Variants in PDIA3 observed in about 807,000 individuals in gnomAD.
PDIA3 encodes protein disulfide-isomerase A3.
Under a neutral mutation model 56.9 loss-of-function variants are expected in PDIA3, and 16 were observed. That is an observed-to-expected ratio of 0.28 (90% CI 0.19 to 0.43). The LOEUF is 0.43. Among genes scored for constraint, PDIA3 ranks in the 20% least tolerant of loss-of-function variants. PDIA3 has a pLI of 1.00. For missense variants in PDIA3, 485 were observed against 621.3 expected, an observed-to-expected ratio of 0.78 and a Z score of 2.33; for synonymous variants, 192 against 216.5, an observed-to-expected ratio of 0.89 and a Z score of 0.99.
Position 43,761,241 on chromosome 15 carries a change from CAA to C in PDIA3, c.365-165_365-164del, listed in dbSNP as rs34237990. Among the ~76,000 whole-genome samples the C allele has an allele frequency of 1.6e-3, 155 of 95,482 alleles. 1 individual carries two copies. Among genetic ancestry groups the C allele is most frequent in the East Asian group, 2.3e-3 (7 of 3,042 alleles). The allele number at this position is 95,482 out of a possible 152,430, so 62.6% of individuals were successfully genotyped here. On this transcript the variant is annotated intron_variant, in intron 3 of 12. Coordinates refer to ENST00000300289, the MANE Select transcript of PDIA3 (RefSeq NM_005313.5). ...TGGGCGACAGAGCGAGACTCTGTCT[CAA>C]AAAAAAAAAAAAAAAAACCTGAAAT...
chr15:43,765,489 G>T lies in PDIA3; in HGVS notation c.642G>T (p.Lys214Asn), dbSNP rs372309355. The T allele has an allele frequency of 1.9e-6, 3 of 1,611,352 alleles. No homozygotes were observed. Among genetic ancestry groups the T allele is most frequent in the Non-Finnish European group, 2.5e-6 (3 of 1,178,390 alleles). Residue 214 changes from lysine (K) to asparagine (N), a missense_variant, in exon 6 of 13, where the codon AAG becomes AAT. Physicochemically the swap from Lys to Asn is moderately conservative, Grantham distance 94. Coordinates refer to ENST00000300289, the MANE Select transcript of PDIA3 (RefSeq NM_005313.5). ...ILFRPSHLTN[K>N]FEDKTVAYTE... ...TTCGTCCTTCACATCTCACTAACAA[G>T]TTTGAGGACAAGACTGTGGCATATA...
intron 6 of PDIA3, 119 bp downstream of exon 6, chr15:43,765,685 T>C: frequency 1.2e-6 from 1 of 861,988 alleles, no homozygotes; most frequent in Non-Finnish European, 1.9e-6. Context: ...ATTGTAATAG[T>C]AATAGTTTGA....
At chr15:43,750,207 G>GGTTTCAC (rs2086735067) in intron 1 of PDIA3, among the ~76,000 whole-genome samples, 1 of 141,518 alleles carries the variant, frequency 7.1e-6, no homozygotes, top group South Asian at 2.3e-4. Context: ...GTAGAGACCA[G>GGTTTCAC]GTTTCACCAT....
Position 43,756,751 on chromosome 15 carries a change from G to A in PDIA3, c.349G>A (p.Gly117Arg). Residue 117 changes from glycine (G) to arginine (R), a missense_variant, in exon 3 of 13, where the codon GGA (glycine) becomes AGA (arginine). By Grantham distance (125) the Gly-to-Arg change is moderately radical. Coordinates refer to ENST00000300289, the MANE Select transcript of PDIA3 (RefSeq NM_005313.5). ...TGGTGAAGAAGCAGGTGCTTATGAT[G>A]GACCTAGGACTGCTGGTAAGGATCC... ...RDGEEAGAYDGPRTADGIVSH... is the reference protein window; with the variant it reads ...RDGEEAGAYDRPRTADGIVSH... The A allele has an allele frequency of 3.8e-6, 6 of 1,571,604 alleles. No homozygotes were observed. The highest frequency in any genetic ancestry group is 5.2e-6 in the Non-Finnish European group (6 of 1,143,572).
In PDIA3 at chr15:43,765,434, C is replaced by CTTTT; in HGVS notation, c.603-7_603-4dup. 2 of 1,185,590 alleles carry CTTTT rather than the reference C, an allele frequency of 1.7e-6. No homozygotes were observed. The highest frequency in any genetic ancestry group is 2.4e-6 in the Non-Finnish European group (2 of 832,826). 73.4% of individuals were successfully genotyped at this position (1,185,590 alleles called of 1,614,324 possible). ...CTGCTATCTGCCTACTGAGACTTTTCTTTTTTTTTTTTAAGGGGTATCATC... is the reference window on the plus strand; with the variant it reads ...CTGCTATCTGCCTACTGAGACTTTTCTTTTTTTTTTTTTTTTAAGGGGTATCATC... On this transcript the variant is annotated splice_polypyrimidine_tract_variant and intron_variant, in intron 5 of 12. Transcript: ENST00000300289.
intron 5 of PDIA3, 30 bp from the exon 6 acceptor site, chr15:43,765,420 C>A: frequency 8.2e-7 from 1 of 1,223,274 alleles, no homozygotes; most frequent in Non-Finnish European, 1.2e-6. Context: ...TGCTATCTGC[C>A]TACTGAGACT....
chr15:43,769,770 T>C lies in PDIA3; in HGVS notation c.1266+124T>C, dbSNP rs372464667. On this transcript the variant is annotated intron_variant, in intron 10 of 12. Coordinates refer to ENST00000300289, the MANE Select transcript of PDIA3 (RefSeq NM_005313.5). ...ATAGATTTTTTTCCCAATTACTTGCTGTTTACTCACTTTCTCGTGACTGCC... is the reference window on the plus strand; with the variant it reads ...ATAGATTTTTTTCCCAATTACTTGCCGTTTACTCACTTTCTCGTGACTGCC... 1.7e-5 allele frequency: 18 copies of C among 1,048,748 alleles called. No homozygotes were observed. The East Asian group carries it at 1.9e-4, about 11-fold the overall frequency. 65.0% of individuals were successfully genotyped at this position (1,048,748 alleles called of 1,614,324 possible).
intron 4 of PDIA3, among the ~76,000 whole-genome samples, chr15:43,761,744 G>T (rs1382623563): frequency 1.3e-5 from 2 of 151,958 alleles, no homozygotes; most frequent in Non-Finnish European, 2.9e-5. Flanking sequence ...GGGGCAATTG[G>T]TGTTTTATTT....
At chr15:43,762,938 G>T in intron 4 of PDIA3, 139 bp from the exon 5 acceptor site, 1 of 716,128 alleles carries the variant, frequency 1.4e-6, no homozygotes. Context: ...GTGCCTGTCT[G>T]AGGTAGTCAT....
chr15:43,761,699 T>TTGC (rs1257601335), intron 4 of PDIA3, among the ~76,000 whole-genome samples, 168 bp downstream of exon 4: 4 of 152,046 alleles, frequency 2.6e-5, no homozygotes, highest in African/African-American at 9.7e-5. Flanking sequence ...ATATAGTACA[T>TTGC]TATATAATTA....
intron 1 of PDIA3, among the ~76,000 whole-genome samples, chr15:43,751,182 C>A (rs2086741911): frequency 6.6e-6 from 1 of 151,904 alleles, no homozygotes; most frequent in Admixed American, 6.6e-5. Flanking sequence ...CTTGTAATCC[C>A]CACCCCGAGT....
intron 1 of PDIA3, 68 bp downstream of exon 1, chr15:43,746,774 T>G (rs2086709105): frequency 6.5e-7 from 1 of 1,547,498 alleles, no homozygotes; most frequent in African/African-American, 1.4e-5. Flanking sequence ...CGCGGGGAAC[T>G]GTTGGGCCTA....
At chr15:43,765,367 C>G in intron 5 of PDIA3, 83 bp from the exon 6 acceptor site, 1 of 808,760 alleles carries the variant, frequency 1.2e-6, no homozygotes, top group Non-Finnish European at 2.1e-6. Context: ...AGCAACAGAG[C>G]GAAACCCTAT....
chr15:43,763,667 A>G (rs1417175944), intron 5 of PDIA3, among the ~76,000 whole-genome samples: 2 of 152,186 alleles, frequency 1.3e-5, no homozygotes, highest in Admixed American at 1.3e-4. Context: ...TCTATCTAGT[A>G]GAGGGAGATT....
Position 43,772,223 on chromosome 15 carries a change from C to T in PDIA3, c.*1005C>T, listed in dbSNP as rs2086885923. 1 of 152,220 alleles carries T rather than the reference C, an allele frequency of 6.6e-6. No homozygotes were observed. Among genetic ancestry groups the T allele is most frequent in the African/African-American group, 2.4e-5 (1 of 41,462 alleles). 9.4% of individuals were successfully genotyped at this position (152,220 alleles called of 1,614,324 possible). A position where few individuals can be genotyped will look rare whatever the true frequency, so the allele number is the denominator to read the frequency against. On this transcript the variant is annotated 3_prime_UTR_variant, in exon 13 of 13. Coordinates refer to ENST00000300289, the MANE Select transcript of PDIA3 (RefSeq NM_005313.5). ...TTTGTCCAACTAAACCATTTATCTC[C>T]TTTTGTAGGTAAATTCAAATCCTGC...
At chr15:43,753,969 T>C (rs1325763540) in intron 2 of PDIA3, 67 bp downstream of exon 2, 5 of 1,064,516 alleles carry the variant, frequency 4.7e-6, no homozygotes, top group African/African-American at 3.1e-5. Context: ...TTGTCTCAGC[T>C]TTGTTACATG....
chr15:43,751,620 C>T (rs1005078623), intron 1 of PDIA3: 2 of 1,304,118 alleles, frequency 1.5e-6, no homozygotes, highest in Non-Finnish European at 2.0e-6. Context: ...AGAGTCTCCT[C>T]CAGCCTCATT....
intron 10 of PDIA3, 137 bp from the exon 11 acceptor site, chr15:43,770,113 G>T (rs779771792): frequency 1.5e-6 from 1 of 664,482 alleles, no homozygotes; most frequent in East Asian, 2.8e-5. Flanking sequence ...GGAATTACAG[G>T]TGCGCACCAC....
chr15:43,746,555 C>G lies in PDIA3; in HGVS notation c.16C>G (p.Leu6Val). Residue 6 changes from leucine to valine, a missense_variant, in exon 1 of 13, where the codon CTA becomes GTA. By Grantham distance (32) the Leu-to-Val change is conservative. Transcript: ENST00000300289. MRLRR[L>V]ALFPGVALLL... ...CCTCGCCGCCATGCGCCTCCGCCGC[C>G]TAGCGCTGTTCCCGGGTGTGGCGCT... The G allele has an allele frequency of 1.2e-6, 2 of 1,608,926 alleles. No individual in the cohort carries two copies. The highest frequency in any genetic ancestry group is 1.7e-6 in the Non-Finnish European group (2 of 1,178,748).
Sources: allele counts gnomAD v4.1 joint callset (sites outside exome capture counted in the v4.1 genomes callset), GRCh38; gene constraint gnomAD v4.1.1; transcripts MANE v1.5; gene names NCBI Gene and HGNC (gene_info 2026-07-23, HGNC 2026-07-21).